PRKD1: variants seen among roughly 807,000 people sequenced by gnomAD.
PRKD1 encodes the protein serine/threonine-protein kinase D1.
Under a neutral mutation model 95.9 loss-of-function variants are expected in PRKD1, and 63 were observed. The ratio of observed to expected loss-of-function variants is 0.66; its 90% CI spans 0.54 to 0.81. The LOEUF is 0.81. PRKD1 is among the 30% of genes least tolerant of loss of function. The pLI, the probability that PRKD1 is intolerant of heterozygous loss-of-function variation, is 0.00. For synonymous variants in PRKD1, 425 were observed against 423.1 expected, an observed-to-expected ratio of 1.00 and a Z score of -0.05; for missense variants, 1,048 against 1,165.3, an observed-to-expected ratio of 0.90 and a Z score of 1.47.
chr14:29,795,805 G>A (rs1889789665), intron 1 of PRKD1, among the ~76,000 whole-genome samples: 1 of 152,112 alleles, frequency 6.6e-6, no homozygotes, highest in South Asian at 2.1e-4. Context: ...ATAAGAAATA[G>A]TCCGTGGACT....
chr14:29,644,400 A>T (rs936246976), intron 4 of PRKD1, among the ~76,000 whole-genome samples: 2 of 152,200 alleles, frequency 1.3e-5, no homozygotes, highest in African/African-American at 4.8e-5. Context: ...GGATGCAATG[A>T]GGAATGGTTG....
At chr14:29,856,472 A>G (rs890056230) in intron 1 of PRKD1, among the ~76,000 whole-genome samples, 2 of 152,236 alleles carry the variant, frequency 1.3e-5, no homozygotes, top group Admixed American at 6.5e-5. Flanking sequence ...TATAGGGGAT[A>G]AAAGTAAACA....
chr14:29,797,927 G>A (rs1246341175), intron 1 of PRKD1, among the ~76,000 whole-genome samples: 2 of 152,256 alleles, frequency 1.3e-5, no homozygotes, highest in East Asian at 3.9e-4. Flanking sequence ...TATAACTTAA[G>A]CTAGACCCAA....
In PRKD1 at chr14:29,632,322, T is replaced by C. The variant is rs559357677; in HGVS notation, c.1392+547A>G. On this transcript the variant is annotated intron_variant, in intron 9 of 17. Coordinates refer to ENST00000331968, the MANE Select transcript of PRKD1 (RefSeq NM_002742.3). ...TCATTTTGAAGGAGCAAGTATCTAT[T>C]ATTTTCTCTATGAAGTTTTTTTTGG... Among the ~76,000 whole-genome samples the C allele has an allele frequency of 3.3e-5, 5 of 152,224 alleles. No homozygotes were observed. In the East Asian group the frequency reaches 9.6e-4, roughly 29 times the overall value.
intron 4 of PRKD1, among the ~76,000 whole-genome samples, chr14:29,641,632 G>A (rs45571431): frequency 0.028 from 4,263 of 152,128 alleles, 180 homozygotes; most frequent in African/African-American, 0.091. Context: ...CTAACATGAG[G>A]CAAATCTGAA....
At chr14:29,608,434 C>A (rs1878176503) in intron 13 of PRKD1, among the ~76,000 whole-genome samples, 2 of 151,684 alleles carry the variant, frequency 1.3e-5, no homozygotes, top group Non-Finnish European at 2.9e-5. Context: ...TTATTTTATT[C>A]TTATGCTGAT....
Position 29,599,050 on chromosome 14 carries a change from C to T in PRKD1, c.2143G>A (p.Ala715Thr), listed in dbSNP as rs1424422172. Residue 715 changes from alanine (A) to threonine (T), a missense_variant, in exon 15 of 18, where the codon GCC becomes ACC. By Grantham distance (58) the Ala-to-Thr change is moderately conservative (BLOSUM62 0). Coordinates refer to ENST00000331968, the MANE Select transcript of PRKD1 (RefSeq NM_002742.3). The stretch of plus-strand genomic sequence containing the variant: ...GCCTGAGGAAAAGGATCAGCTGAGG[C>T]TAGCAACACATTTTCTGGTTTGAGG... ...CDLKPENVLL[A>T]SADPFPQVKL... 3 of 1,613,584 alleles carry T rather than the reference C, an allele frequency of 1.9e-6. No individual in the cohort carries two copies. The highest frequency in any genetic ancestry group is 2.5e-6 in the Non-Finnish European group (3 of 1,179,692).
intron 2 of PRKD1, among the ~76,000 whole-genome samples, chr14:29,690,284 G>A (rs1374346992): frequency 1.3e-5 from 2 of 152,110 alleles, no homozygotes; most frequent in African/African-American, 4.8e-5. Context: ...TGTGTTATCA[G>A]CTGTCTACCA....
At chr14:29,663,148 C>CAT (rs61506580) in intron 4 of PRKD1, among the ~76,000 whole-genome samples, 4,227 of 131,550 alleles carry the variant, frequency 0.032, 70 homozygotes, top group East Asian at 0.092. Flanking sequence ...AATATTCTTC[C>CAT]ATATATATAT....
intron 1 of PRKD1, among the ~76,000 whole-genome samples, chr14:29,748,793 ACCATGCC>A (rs1157093065): frequency 6.6e-6 from 1 of 152,232 alleles, no homozygotes. Context: ...ATCTTAATGT[ACCATGCC>A]ATCTTTAAAA....
At chr14:29,704,241 T>C (rs557568862) in intron 2 of PRKD1, among the ~76,000 whole-genome samples, 2 of 152,092 alleles carry the variant, frequency 1.3e-5, no homozygotes, top group East Asian at 3.9e-4. Context: ...ATAAAACATG[T>C]AATTATGGCA....
intron 1 of PRKD1, among the ~76,000 whole-genome samples, chr14:29,814,721 C>T (rs1486833355): frequency 1.3e-5 from 2 of 152,134 alleles, no homozygotes; most frequent in East Asian, 1.9e-4. Flanking sequence ...TTGCTGGCAC[C>T]GACACAAATA....
intron 1 of PRKD1, among the ~76,000 whole-genome samples, chr14:29,821,992 G>A (rs1038669830): frequency 3.3e-5 from 5 of 151,856 alleles, no homozygotes; most frequent in African/African-American, 4.8e-5. Flanking sequence ...CTCTCATAGA[G>A]ACCGTGATAC....
chr14:29,894,814 A>G (rs1894063899), intron 1 of PRKD1, among the ~76,000 whole-genome samples: 1 of 152,252 alleles, frequency 6.6e-6, no homozygotes, highest in Non-Finnish European at 1.5e-5. Flanking sequence ...ACTGTGTGCT[A>G]TGTGATCAGA....
intron 1 of PRKD1, among the ~76,000 whole-genome samples, chr14:29,844,286 T>C (rs1302174551): frequency 6.6e-6 from 1 of 152,200 alleles, no homozygotes; most frequent in Non-Finnish European, 1.5e-5. Context: ...CTTGGAGAAG[T>C]GACAGTGAGT....
At chr14:29,578,066 ATC>A (rs1229578179) in intron 17 of PRKD1, among the ~76,000 whole-genome samples, 1 of 151,906 alleles carries the variant, frequency 6.6e-6, no homozygotes, top group Non-Finnish European at 1.5e-5. Context: ...GCGTGCGTGT[ATC>A]TCTTCTATCA....
chr14:29,815,670 A>G (rs2139255320), intron 1 of PRKD1, among the ~76,000 whole-genome samples: 1 of 152,328 alleles, frequency 6.6e-6, no homozygotes, highest in East Asian at 1.9e-4. Context: ...GTGACTATTA[A>G]GAATGTATAT....
At chr14:29,693,748 C>G (rs973088091) in intron 2 of PRKD1, among the ~76,000 whole-genome samples, 14 of 151,782 alleles carry the variant, frequency 9.2e-5, no homozygotes, top group Non-Finnish European at 2.9e-5. Flanking sequence ...GAAGAAATTA[C>G]TGTCTGAGGA....
intron 1 of PRKD1, among the ~76,000 whole-genome samples, chr14:29,862,035 C>T (rs1892729310): frequency 6.6e-6 from 1 of 152,130 alleles, no homozygotes; most frequent in Non-Finnish European, 1.5e-5. Context: ...CCCTCACTAC[C>T]CTTCCCAGCC....
Sources: allele counts gnomAD v4.1 joint callset (sites outside exome capture counted in the v4.1 genomes callset), GRCh38; gene constraint gnomAD v4.1.1; transcripts MANE v1.5; gene names NCBI Gene and HGNC (gene_info 2026-07-23, HGNC 2026-07-21).